BGN: variants seen among roughly 807,000 people sequenced by gnomAD.
BGN encodes biglycan.
Under a neutral mutation model 20.0 loss-of-function variants are expected in BGN, and 6 were observed. That is an observed-to-expected ratio of 0.30 (90% CI 0.16 to 0.59). The LOEUF is 0.59. Ranked by LOEUF, BGN falls within the 20% of genes least tolerant of loss-of-function variation. The pLI is 0.88. For missense variants in BGN, 292 were observed against 312.1 expected, an observed-to-expected ratio of 0.94 and a Z score of 0.49; for synonymous variants, 146 against 134.6, an observed-to-expected ratio of 1.08 and a Z score of -0.59.
chrX:153,496,580 TC>T (rs1407782300), intron 1 of BGN, among the ~76,000 whole-genome samples: 1 of 111,727 alleles, frequency 9.0e-6, no homozygotes, highest in Non-Finnish European at 1.9e-5. Flanking sequence ...CAGAGAGGGC[TC>T]CCATGGCAAG....
At position 153,506,897 on chromosome X, in the gene BGN, C is replaced by A. The variant is rs2089804830; in HGVS notation, c.744C>A (p.Asp248Glu). The A allele has an allele frequency of 3.3e-6, 4 of 1,210,032 alleles. No homozygotes were observed. The highest frequency in any genetic ancestry group is 3.5e-5 in the African/African-American group (2 of 57,205). Residue 248 changes from aspartate to glutamate, a missense_variant, in exon 6 of 8, where the codon GAC becomes GAA. Coordinates refer to ENST00000331595, the MANE Select transcript of BGN (RefSeq NM_001711.6). ...HNKIQAIELE[D>E]LLRYSKLYRL... is the part of the protein sequence containing the mutation. ...AAATCCAGGCCATCGAACTGGAGGA[C>A]CTGCTTCGCTACTCCAAGCTGTACA...
Position 153,508,149 on chromosome X carries a change from G to C in BGN, c.910-99G>C, listed in dbSNP as rs782526248. 1.1e-5 allele frequency: 10 copies of C among 932,735 alleles called. No homozygotes were observed. The African/African-American group carries it at 1.5e-4, about 14-fold the overall frequency. The allele number at this position is 932,735 out of a possible 1,213,427, so 76.9% of individuals were successfully genotyped here. ...ACGGGGAGCCTCTGGTGTGGCCCTT[G>C]AAGTAGGGTGCAGAGGCAACAGCAA... On this transcript the variant is annotated intron_variant, in intron 7 of 7. Coordinates refer to ENST00000331595, the MANE Select transcript of BGN (RefSeq NM_001711.6).
rs781971637 is a variant in BGN at position 153,506,089 on chromosome X, C to T, written c.565+13C>T. 2 of 1,196,358 alleles carry T rather than the reference C, an allele frequency of 1.7e-6. No individual in the cohort carries two copies. Among genetic ancestry groups the T allele is most frequent in the African/African-American group, 3.5e-5 (2 of 57,084 alleles). On this transcript the variant is annotated intron_variant, in intron 4 of 7. Coordinates refer to ENST00000331595, the MANE Select transcript of BGN (RefSeq NM_001711.6). The stretch of plus-strand genomic sequence containing the variant: ...ATGAACTGCATCGGTGAGCTGAGGG[C>T]CTCCCAGAACATTCCAGAGCCTTGT...
chrX:153,503,767 C>T (rs915007156), intron 1 of BGN, among the ~76,000 whole-genome samples: 1 of 112,030 alleles, frequency 8.9e-6, no homozygotes, highest in Admixed American at 9.3e-5. Context: ...CTGGCGGCAG[C>T]CTGCTCCCCT....
chrX:153,501,154 G>A (rs1453791330), intron 1 of BGN, among the ~76,000 whole-genome samples: 1 of 112,120 alleles, frequency 8.9e-6, no homozygotes, highest in African/African-American at 3.2e-5. Flanking sequence ...GCGTGTGCAC[G>A]TGTGTGTATG....
chrX:153,496,331 G>T (rs782427812), intron 1 of BGN, among the ~76,000 whole-genome samples: 1 of 112,906 alleles, frequency 8.9e-6, no homozygotes, highest in Non-Finnish European at 1.9e-5. Context: ...GGGGACCAGC[G>T]CCCAGGGGTG....
In BGN at chrX:153,508,313, C is replaced by T. The variant is rs2124243248; in HGVS notation, c.975C>T (p.Phe325=). The change falls in exon 8 of 8, where the codon TTC becomes TTT. Residue 325 remains phenylalanine, a synonymous_variant. Transcript: ENST00000331595. ...TCAACGACTTCTGTCCCATGGGCTT[C>T]GGGGTGAAGCGGGCCTACTACAACG... ...VGVNDFCPMG[F]GVKRAYYNGI... is the part of the protein sequence containing the mutation. The T allele has an allele frequency of 7.4e-6, 9 of 1,210,925 alleles. No homozygotes were observed. Among genetic ancestry groups the T allele is most frequent in the Non-Finnish European group, 8.9e-6 (8 of 895,331 alleles).
rs782465987 is a variant in BGN, at chrX:153,508,489, G to T, written c.*44G>T. On this transcript the variant is annotated 3_prime_UTR_variant, in exon 8 of 8. Transcript: ENST00000331595. ...CGGGGCCTCAGTGGGGGTCTCTGGG[G>T]AACACAGCCAGACATCCTGATGGGG... The T allele has an allele frequency of 8.5e-6, 10 of 1,173,067 alleles. No individual in the cohort carries two copies. The Admixed American group carries it at 2.0e-4, about 23-fold the overall frequency.
intron 2 of BGN, 110 bp downstream of exon 2, chrX:153,504,979 A>G: frequency 1.2e-6 from 1 of 856,324 alleles, no homozygotes; most frequent in Non-Finnish European, 1.6e-6. Flanking sequence ...GGCGAGCATG[A>G]TGTAAGTGTA....
chrX:153,505,824 G>C (rs1602983283), intron 3 of BGN, 39 bp from the exon 4 acceptor site: 2 of 1,105,407 alleles, frequency 1.8e-6, no homozygotes, highest in Non-Finnish European at 2.4e-6. Flanking sequence ...GTGGGGTGGG[G>C]AGTCTGTGCC....
At chrX:153,508,133 C>G (rs2089816568) in intron 7 of BGN, 115 bp from the exon 8 acceptor site, 6 of 811,933 alleles carry the variant, frequency 7.4e-6, no homozygotes, top group Non-Finnish European at 1.1e-5. Context: ...AACGGGGAGC[C>G]TCTGGTGTGG....
chrX:153,502,982 G>C (rs1161605259), intron 1 of BGN, among the ~76,000 whole-genome samples: 1 of 112,614 alleles, frequency 8.9e-6, no homozygotes, highest in African/African-American at 3.2e-5. Flanking sequence ...CCAATGCAGG[G>C]GGGACGCGTG....
intron 1 of BGN, among the ~76,000 whole-genome samples, chrX:153,497,445 C>T (rs781923860): frequency 8.0e-4 from 89 of 110,928 alleles, no homozygotes; most frequent in African/African-American, 2.4e-3. Flanking sequence ...GGGCCTGGGG[C>T]GATCAGTGCC....
chrX:153,503,043 C>G (rs969449376), intron 1 of BGN, among the ~76,000 whole-genome samples: 4 of 112,940 alleles, frequency 3.5e-5, no homozygotes, highest in African/African-American at 1.3e-4. Flanking sequence ...GGCGACAGGA[C>G]AGGCCTCCAT....
intron 2 of BGN, 106 bp downstream of exon 2, chrX:153,504,975 C>A: frequency 1.1e-6 from 1 of 882,771 alleles, no homozygotes; most frequent in Non-Finnish European, 1.6e-6. Flanking sequence ...CGGTGGCGAG[C>A]ATGATGTAAG....
chrX:153,509,431 A>G lies in BGN; in HGVS notation c.*986A>G, dbSNP rs1181414124. The G allele has an allele frequency of 1.8e-5, 2 of 110,020 alleles. No individual in the cohort carries two copies. Among genetic ancestry groups the G allele is most frequent in the African/African-American group, 6.6e-5 (2 of 30,092 alleles). The allele number at this position is 110,020 out of a possible 1,213,427, so 9.1% of individuals were successfully genotyped here. ...ACACCGGTTTTCCTAGAAGCCCCTC[A>G]CCCCCACTGGCCCACTGGTGGCTAG... On this transcript the variant is annotated 3_prime_UTR_variant, in exon 8 of 8. Transcript: ENST00000331595.
In BGN at chrX:153,504,676, G is replaced by A. The variant is rs781922618; in HGVS notation, c.45G>A (p.Gln15=). The A allele has an allele frequency of 8.3e-7, 1 of 1,211,669 alleles. No homozygotes were observed. Among genetic ancestry groups the A allele is most frequent in the Non-Finnish European group, 1.1e-6 (1 of 895,269 alleles). The part of the protein sequence containing the change: ...WRLVSLLALS[Q]ALPFEQRGFW... ...TCGTGTCTCTGCTGGCCCTGAGCCA[G>A]GCCCTGCCCTTTGAGCAGAGAGGCT... Residue 15 remains glutamine (Q), a synonymous_variant, in exon 2 of 8, where the codon CAG becomes CAA. Coordinates refer to ENST00000331595, the MANE Select transcript of BGN (RefSeq NM_001711.6).
In BGN at chrX:153,507,015, C is replaced by T. The variant is rs2073479; in HGVS notation, c.771-32C>T. The T allele has an allele frequency of 0.39, 465,457 of 1,206,060 alleles. 61,626 individuals carry two copies. Among genetic ancestry groups the T allele is most frequent in the Admixed American group, 0.54 (24,688 of 45,573 alleles). On this transcript the variant is annotated intron_variant, in intron 6 of 7. Transcript: ENST00000331595. ...CCCAGCCCCCCATCCTTACCTCCAG[C>T]CTTTGAGTCCGTGTCATTCTCCCGC...
At chrX:153,507,262 A>T in intron 7 of BGN, 77 bp downstream of exon 7, 1 of 1,097,614 alleles carries the variant, frequency 9.1e-7, no homozygotes, top group Non-Finnish European at 1.2e-6. Context: ...GCAGTCCCTC[A>T]GTCCCCTGGC....
Sources: gnomAD v4.1 joint callset for allele counts (sites outside exome capture counted in the v4.1 genomes callset) on GRCh38, gnomAD v4.1.1 for gene constraint, MANE v1.5 for transcripts, NCBI Gene and HGNC (gene_info 2026-07-23, HGNC 2026-07-21) for gene names.